The following ZBTB7C variants were observed in gnomAD, a reference collection of about 807,000 sequenced individuals.
ZBTB7C encodes the protein zinc finger and BTB domain-containing protein 7C.
ZBTB7C carries 8 observed loss-of-function variants against 25.7 expected under a neutral mutation model. The ratio of observed to expected loss-of-function variants is 0.31; its 90% confidence interval spans 0.18 to 0.56. ZBTB7C has a LOEUF of 0.56. Ranked by LOEUF, ZBTB7C falls within the 20% of genes least tolerant of loss-of-function variation. ZBTB7C has a pLI of 0.91. For missense variants in ZBTB7C, 824 were observed against 855.2 expected, an observed-to-expected ratio of 0.96 and a Z score of 0.46; for synonymous variants, 394 against 369.0, an observed-to-expected ratio of 1.07 and a Z score of -0.78.
At chr18:48,172,492 G>A (rs2041518518) in intron 3 of ZBTB7C, among the ~76,000 whole-genome samples, 1 of 152,204 alleles carries the variant, frequency 6.6e-6, no homozygotes, top group Admixed American at 6.5e-5. Flanking sequence ...AGTGTGTCTG[G>A]GAGATTCGGG....
intron 3 of ZBTB7C, among the ~76,000 whole-genome samples, chr18:48,179,849 C>T (rs1296996954): frequency 1.4e-5 from 2 of 142,930 alleles, no homozygotes; most frequent in African/African-American, 5.5e-5. Flanking sequence ...GATATTTCTC[C>T]TTCCTTCCTT....
intron 2 of ZBTB7C, among the ~76,000 whole-genome samples, chr18:48,328,546 T>G (rs896095798): frequency 2.0e-5 from 3 of 152,196 alleles, no homozygotes; most frequent in Non-Finnish European, 1.5e-5. Context: ...CCAAATGATG[T>G]CCAAAGTAAG....
At chr18:48,287,078 C>T (rs1293575965) in intron 2 of ZBTB7C, among the ~76,000 whole-genome samples, 1 of 152,084 alleles carries the variant, frequency 6.6e-6, no homozygotes, top group African/African-American at 2.4e-5. Context: ...AAGAGTAAAA[C>T]AGTCCATGTT....
chr18:48,285,589 C>A (rs1347450135), intron 2 of ZBTB7C, among the ~76,000 whole-genome samples: 2 of 152,180 alleles, frequency 1.3e-5, no homozygotes, highest in African/African-American at 4.8e-5. Flanking sequence ...TGGGCTCAAG[C>A]AATCCTCCTG....
intron 3 of ZBTB7C, among the ~76,000 whole-genome samples, chr18:48,088,673 C>CA (rs5824732): frequency 6.6e-6 from 1 of 151,532 alleles, no homozygotes; most frequent in Non-Finnish European, 1.5e-5. Flanking sequence ...ACTAAAAATA[C>CA]AAAAAAATTA....
intron 3 of ZBTB7C, among the ~76,000 whole-genome samples, chr18:48,070,838 C>T (rs1336791325): frequency 2.0e-5 from 3 of 152,192 alleles, no homozygotes; most frequent in African/African-American, 4.8e-5. Flanking sequence ...CTTTCCTTGG[C>T]TTCCTTTTGA....
At chr18:48,344,466 G>A (rs2046680573) in intron 1 of ZBTB7C, among the ~76,000 whole-genome samples, 2 of 152,148 alleles carry the variant, frequency 1.3e-5, no homozygotes, top group Non-Finnish European at 1.5e-5. Flanking sequence ...TAGCCAGGCT[G>A]CAGAGTGGAG....
intron 3 of ZBTB7C, chr18:48,136,951 G>A: frequency 1.0e-6 from 1 of 978,838 alleles, no homozygotes; most frequent in Non-Finnish European, 1.2e-6. Context: ...CGGCCGCTGG[G>A]CTCCCCAGAG....
chr18:48,375,647 T>C (rs1027326241), intron 1 of ZBTB7C: 3 of 152,222 alleles, frequency 2.0e-5, no homozygotes, highest in African/African-American at 4.8e-5. Context: ...AAAGCGAGAT[T>C]GGGTTGAAAT....
At chr18:48,231,331 C>A (rs888181323) in intron 2 of ZBTB7C, among the ~76,000 whole-genome samples, 2 of 152,174 alleles carry the variant, frequency 1.3e-5, no homozygotes, top group African/African-American at 4.8e-5. Flanking sequence ...CCTCTGAAGC[C>A]CATAAAAACC....
chr18:48,224,437 G>A (rs949466126), intron 2 of ZBTB7C, among the ~76,000 whole-genome samples: 2 of 152,236 alleles, frequency 1.3e-5, no homozygotes, highest in East Asian at 3.8e-4. Context: ...ACAGAATAGA[G>A]GCCCTTGAGG....
At chr18:48,304,841 C>CAAAAAAAAAAAAAA (rs35398428) in intron 2 of ZBTB7C, among the ~76,000 whole-genome samples, 1 of 90,378 alleles carries the variant, frequency 1.1e-5, no homozygotes, top group African/African-American at 4.2e-5. Context: ...GGCTCTACCT[C>CAAAAAAAAAAAAAA]AAAAAAAAAA....
At chr18:48,126,042 T>A (rs2039789162) in intron 3 of ZBTB7C, among the ~76,000 whole-genome samples, 1 of 152,222 alleles carries the variant, frequency 6.6e-6, no homozygotes, top group African/African-American at 2.4e-5. Context: ...TGGCCAGGAC[T>A]ATGCTTCAGG....
intron 3 of ZBTB7C, among the ~76,000 whole-genome samples, chr18:48,110,715 C>T (rs955974820): frequency 2.0e-5 from 3 of 152,114 alleles, no homozygotes; most frequent in Non-Finnish European, 4.4e-5. Flanking sequence ...CTGCCCAGAC[C>T]TGAGGGCACC....
At chr18:48,132,773 A>G (rs2040026379) in intron 3 of ZBTB7C, among the ~76,000 whole-genome samples, 1 of 152,226 alleles carries the variant, frequency 6.6e-6, no homozygotes, top group African/African-American at 2.4e-5. Context: ...GGCTCCAGAA[A>G]GACCAACGGA....
chr18:48,069,755 G>C (rs2037473806), intron 3 of ZBTB7C, among the ~76,000 whole-genome samples: 1 of 152,176 alleles, frequency 6.6e-6, no homozygotes, highest in Non-Finnish European at 1.5e-5. Context: ...GCTACACTCT[G>C]AGTGGAGCAG....
chr18:48,149,069 CTTAT>C (rs2040585288), intron 3 of ZBTB7C: 1 of 152,306 alleles, frequency 6.6e-6, no homozygotes, highest in African/African-American at 2.4e-5. Context: ...CCCTTTGCTG[CTTAT>C]TTAACCAGGA....
chr18:48,048,580 G>T (rs1385001983), intron 3 of ZBTB7C, among the ~76,000 whole-genome samples: 1 of 152,206 alleles, frequency 6.6e-6, no homozygotes, highest in Admixed American at 6.5e-5. Context: ...TTGCCATGAG[G>T]ATCAAATGAG....
chr18:48,318,678 T>C lies in ZBTB7C; in HGVS notation c.-79+19496A>G, dbSNP rs377761965. ...ATACACCCCCTGGGGCAGGGGCGAT[T>C]GTTCTCAACAGCATCTATTGTTTGC... On this transcript the variant is annotated intron_variant, in intron 2 of 4. Transcript: ENST00000590800. Among the ~76,000 whole-genome samples, 9 of 152,338 alleles carry C rather than the reference T, an allele frequency of 5.9e-5. 1 individual carries two copies. In the East Asian group the frequency reaches 1.4e-3, roughly 23 times the overall value.
Sources: gnomAD v4.1 joint callset for allele counts (sites outside exome capture counted in the v4.1 genomes callset) on GRCh38, gnomAD v4.1.1 for gene constraint, MANE v1.5 for transcripts, NCBI Gene and HGNC (gene_info 2026-07-23, HGNC 2026-07-21) for gene names.